SCARB2: variants seen among roughly 807,000 people sequenced by gnomAD.
SCARB2 encodes lysosome membrane protein 2.
A neutral mutation model predicts 58.6 loss-of-function variants in SCARB2; 29 were observed. That is an observed-to-expected ratio of 0.49 (90% confidence interval 0.37 to 0.67). The LOEUF (loss-of-function observed/expected upper bound fraction) is 0.67. SCARB2 is among the 30% of genes least tolerant of loss of function. The pLI is 0.00. For synonymous variants in SCARB2, 195 were observed against 210.1 expected (o/e 0.93, Z 0.62); for missense variants, 488 against 578.5 (o/e 0.84, Z 1.60).
intron 2 of SCARB2, among the ~76,000 whole-genome samples, chr4:76,189,574 C>T (rs561433744): frequency 1.4e-4 from 22 of 152,220 alleles, no homozygotes; most frequent in African/African-American, 4.3e-4. Context: ...CCTCTGCCTC[C>T]GGGGTTCAAG....
upstream of SCARB2, among the ~76,000 whole-genome samples, chr4:76,217,964 A>G (rs899669327): frequency 6.6e-5 from 10 of 152,266 alleles, no homozygotes; most frequent in African/African-American, 2.4e-4. Context: ...CTATACTCAA[A>G]TGAGTTTAAT....
rs531901649 is a variant in SCARB2 at position 76,169,223 on chromosome 4, T to A, written c.1113+644A>T. On this transcript the variant is annotated intron_variant, in intron 8 of 11. Coordinates refer to ENST00000264896, the MANE Select transcript of SCARB2 (RefSeq NM_005506.4). ...AAAGAATGTTCTTGTTTTTTTTTTT[T>A]ATTGGTCCATAATGTTCAAATTCCA... Among the ~76,000 whole-genome samples the A allele has an allele frequency of 5.3e-5, 8 of 152,174 alleles. No homozygotes were observed. In the South Asian group the frequency reaches 8.3e-4, roughly 16 times the overall value.
At chr4:76,174,420 A>C in intron 6 of SCARB2, 107 bp from the exon 7 acceptor site, 23 of 963,028 alleles carry the variant, frequency 2.4e-5, no homozygotes, top group Non-Finnish European at 3.5e-5. Context: ...CCAAAAGCTC[A>C]CAGGGTAAGT....
intron 3 of SCARB2, chr4:76,180,668 G>T: frequency 5.1e-6 from 1 of 195,688 alleles, no homozygotes. Context: ...AAAATCCTAG[G>T]GGCATATTTA....
Position 76,159,431 on chromosome 4 carries a change from A to G in SCARB2, c.*2282T>C, listed in dbSNP as rs1398573831. On this transcript the variant is annotated 3_prime_UTR_variant, in exon 12 of 12. Coordinates refer to ENST00000264896, the MANE Select transcript of SCARB2 (RefSeq NM_005506.4). ...GATTTAAACCAAGTAACTATTAAGA[A>G]TCATAAAACAGGCCAGGCCCGGTGG... 6.6e-6 allele frequency: 1 copy of G among 152,222 alleles called. No individual in the cohort carries two copies. The highest frequency in any genetic ancestry group is 1.5e-5 in the Non-Finnish European group (1 of 68,054). 9.4% of individuals were successfully genotyped at this position (152,222 alleles called of 1,614,324 possible).
At chr4:76,188,843 G>A (rs1225467443) in intron 2 of SCARB2, among the ~76,000 whole-genome samples, 2 of 152,246 alleles carry the variant, frequency 1.3e-5, no homozygotes, top group African/African-American at 2.4e-5. Flanking sequence ...CAGATCTCAC[G>A]ACCCACTCAG....
chr4:76,180,422 T>C (rs1732357818), intron 3 of SCARB2: 1 of 151,134 alleles, frequency 6.6e-6, no homozygotes, highest in Non-Finnish European at 1.5e-5. Flanking sequence ...TGGGTCTCAG[T>C]ATAGAATAGA....
At chr4:76,181,685 C>T (rs1732390051) in intron 2 of SCARB2, among the ~76,000 whole-genome samples, 1 of 152,144 alleles carries the variant, frequency 6.6e-6, no homozygotes, top group African/African-American at 2.4e-5. Flanking sequence ...CCACCTCAGC[C>T]TCCCAAGTAG....
chr4:76,165,115 T>G (rs972528970), intron 10 of SCARB2: 1 of 152,172 alleles, frequency 6.6e-6, no homozygotes, highest in African/African-American at 2.4e-5. Context: ...TGAACAGAAG[T>G]TGGCAGAAAA....
intron 1 of SCARB2, among the ~76,000 whole-genome samples, chr4:76,203,817 TGA>T (rs1188285493): frequency 6.6e-6 from 1 of 152,200 alleles, no homozygotes; most frequent in Non-Finnish European, 1.5e-5. Context: ...GGCAACACCA[TGA>T]GAGTGGTGAA....
At chr4:76,225,938 C>T (rs1382383570) in intron 1 of SCARB2, among the ~76,000 whole-genome samples, 1 of 152,146 alleles carries the variant, frequency 6.6e-6, no homozygotes, top group African/African-American at 2.4e-5. Flanking sequence ...CATTCTCTAT[C>T]ATTGGAATAG....
chr4:76,227,118 GA>G (rs1235094133), intron 1 of SCARB2, among the ~76,000 whole-genome samples: 15 of 152,238 alleles, frequency 9.9e-5, no homozygotes, highest in Middle Eastern at 3.4e-3. Flanking sequence ...TGTGACCTTA[GA>G]GTGTCTATTT....
At chr4:76,190,579 T>C (rs746767466) in intron 2 of SCARB2, among the ~76,000 whole-genome samples, 19 of 151,838 alleles carry the variant, frequency 1.3e-4, no homozygotes, top group African/African-American at 4.8e-5. Flanking sequence ...AGACCAGGAG[T>C]TCGAGACCAG....
intron 1 of SCARB2, among the ~76,000 whole-genome samples, chr4:76,201,034 C>T (rs1732819062): frequency 6.6e-6 from 1 of 152,182 alleles, no homozygotes; most frequent in South Asian, 2.1e-4. Flanking sequence ...CAGTCCTTGA[C>T]CTGTTGTGAT....
rs975204798 is a variant in SCARB2, at chr4:76,173,926, T to C, written c.994+218A>G. The C allele has an allele frequency of 6.6e-6, 4 of 607,452 alleles. No individual in the cohort carries two copies. The African/African-American group carries it at 7.3e-5, about 11-fold the overall frequency. The allele number at this position is 607,452 out of a possible 1,614,324, so 37.6% of individuals were successfully genotyped here. ...ATCTTTCTATTGGGCTGACAATATA[T>C]TCTTTTTTGTTTGTTTTGTTTTTTA... On this transcript the variant is annotated intron_variant, in intron 7 of 11. Transcript: ENST00000264896.
At chr4:76,163,907 G>A (rs1409724732) in intron 10 of SCARB2, 1 of 164,918 alleles carries the variant, frequency 6.1e-6, no homozygotes, top group Admixed American at 5.8e-5. Context: ...CACACAGTAG[G>A]TGCTTGATTA....
At chr4:76,176,092 G>A in intron 5 of SCARB2, 182 bp from the exon 6 acceptor site, 3 of 750,688 alleles carry the variant, frequency 4.0e-6, no homozygotes, top group Non-Finnish European at 6.4e-6. Context: ...GCCCAAATCA[G>A]CTTTCATAGA....
intron 8 of SCARB2, 107 bp downstream of exon 8, chr4:76,169,760 A>G (rs774334854): frequency 3.1e-4 from 289 of 920,514 alleles, no homozygotes; most frequent in Non-Finnish European, 4.6e-4. Flanking sequence ...TTGAATATGT[A>G]TATGAAAGTA....
chr4:76,188,515 G>A (rs971673949), intron 2 of SCARB2, among the ~76,000 whole-genome samples: 1 of 152,120 alleles, frequency 6.6e-6, no homozygotes, highest in African/African-American at 2.4e-5. Flanking sequence ...GTCTTGCTTG[G>A]CCCTTCCCCA....
Sources: gnomAD v4.1 joint callset for allele counts (sites outside exome capture counted in the v4.1 genomes callset) on GRCh38, gnomAD v4.1.1 for gene constraint, MANE v1.5 for transcripts, NCBI Gene and HGNC (gene_info 2026-07-23, HGNC 2026-07-21) for gene names.